COMMD10: variants seen among roughly 807,000 people sequenced by gnomAD.
COMMD10 encodes the protein COMM domain-containing protein 10.
Under a neutral mutation model 28.9 loss-of-function variants are expected in COMMD10, and 33 were observed. The ratio of observed to expected loss-of-function variants is 1.14; its 90% CI spans 0.87 to 1.53. COMMD10 has a LOEUF of 1.53. Among genes scored for constraint, COMMD10 ranks in the 40% most tolerant of loss-of-function variants. The pLI is 0.00. For missense variants in COMMD10, 310 were observed against 233.4 expected (o/e 1.33, Z -2.14); for synonymous variants, 110 against 81.7 (o/e 1.35, Z -1.87).
chr5:116,206,373 G>T (rs977742622), intron 5 of COMMD10, among the ~76,000 whole-genome samples: 1 of 152,060 alleles, frequency 6.6e-6, no homozygotes, highest in African/African-American at 2.4e-5. Flanking sequence ...GACGGTGGTC[G>T]GGCACGGTGG....
intron 5 of COMMD10, among the ~76,000 whole-genome samples, chr5:116,263,657 C>T (rs1159672353): frequency 6.6e-6 from 1 of 151,728 alleles, no homozygotes; most frequent in Non-Finnish European, 1.5e-5. Context: ...TTTTTCTTAA[C>T]TTGAACATTC....
rs1187543319 is a variant in COMMD10, at chr5:116,292,606, A to C, written c.*117A>C. On this transcript the variant is annotated 3_prime_UTR_variant, in exon 7 of 7. Transcript: ENST00000274458. Reference sequence around the variant, plus strand: ...CAGTGACTTGCTTTCTGTAAATTATATGGCTTATCACTTCTTAGACAAATA... The same window carrying C: ...CAGTGACTTGCTTTCTGTAAATTATCTGGCTTATCACTTCTTAGACAAATA... 1.4e-5 allele frequency: 10 copies of C among 719,206 alleles called. No homozygotes were observed. Among genetic ancestry groups the C allele is most frequent in the South Asian group, 4.4e-5 (2 of 45,200 alleles). The allele number at this position is 719,206 out of a possible 1,614,324, so 44.6% of individuals were successfully genotyped here.
At chr5:116,152,908 A>T (rs1052454368) in intron 5 of COMMD10, among the ~76,000 whole-genome samples, 2 of 152,132 alleles carry the variant, frequency 1.3e-5, no homozygotes, top group Non-Finnish European at 2.9e-5. Flanking sequence ...CTATAAACAG[A>T]TGAGTACAAT....
intron 5 of COMMD10, among the ~76,000 whole-genome samples, chr5:116,209,802 T>C (rs1267031786): frequency 6.6e-6 from 1 of 152,196 alleles, no homozygotes; most frequent in Non-Finnish European, 1.5e-5. Flanking sequence ...TTGGCAGTCT[T>C]CTTTAAGATA....
intron 5 of COMMD10, among the ~76,000 whole-genome samples, chr5:116,270,185 A>C (rs1750716851): frequency 6.6e-6 from 1 of 151,894 alleles, no homozygotes; most frequent in South Asian, 2.1e-4. Flanking sequence ...AGATGGGATG[A>C]ATGGCAGACT....
At chr5:116,191,146 T>C (rs1748357062) in intron 5 of COMMD10, among the ~76,000 whole-genome samples, 3 of 152,060 alleles carry the variant, frequency 2.0e-5, no homozygotes, top group Admixed American at 2.0e-4. Flanking sequence ...GCCCTGGAGC[T>C]CGCTGGATCC....
At chr5:116,207,154 A>T (rs1156879475) in intron 5 of COMMD10, among the ~76,000 whole-genome samples, 1 of 152,148 alleles carries the variant, frequency 6.6e-6, no homozygotes, top group Non-Finnish European at 1.5e-5. Flanking sequence ...CTATGTCAGT[A>T]TGTGTGTTAT....
intron 5 of COMMD10, among the ~76,000 whole-genome samples, chr5:116,142,781 A>G (rs1752234187): frequency 1.3e-5 from 2 of 151,762 alleles, no homozygotes; most frequent in Non-Finnish European, 3.0e-5. Flanking sequence ...TTGTTTTATT[A>G]TAGAACATGT....
chr5:116,246,259 TAAG>T (rs1315907369), intron 5 of COMMD10, among the ~76,000 whole-genome samples: 1 of 152,000 alleles, frequency 6.6e-6, no homozygotes, highest in Non-Finnish European at 1.5e-5. Flanking sequence ...ATAAAATACC[TAAG>T]AATACAGCTA....
At chr5:116,241,068 G>C (rs1297120228) in intron 5 of COMMD10, among the ~76,000 whole-genome samples, 1 of 152,102 alleles carries the variant, frequency 6.6e-6, no homozygotes, top group African/African-American at 2.4e-5. Context: ...TATGGTCCTT[G>C]GGTAGAACAG....
At chr5:116,121,396 G>A (rs1751430953) in intron 4 of COMMD10, among the ~76,000 whole-genome samples, 1 of 152,188 alleles carries the variant, frequency 6.6e-6, no homozygotes. Context: ...GGACATTCGG[G>A]TTGGTTCCAA....
chr5:116,155,942 C>T (rs898738432), intron 5 of COMMD10, among the ~76,000 whole-genome samples: 13 of 151,896 alleles, frequency 8.6e-5, no homozygotes, highest in African/African-American at 2.7e-4. Context: ...AAATTGAGGT[C>T]CTACAATTTT....
rs1008954084 is a variant in COMMD10 at position 116,227,146 on chromosome 5, C to T, written c.511-64371C>T. Among the ~76,000 whole-genome samples, 3 of 151,896 alleles carry T rather than the reference C, an allele frequency of 2.0e-5. No individual in the cohort carries two copies. The East Asian group carries it at 5.8e-4, about 29-fold the overall frequency. On this transcript the variant is annotated intron_variant, in intron 5 of 6. Coordinates refer to ENST00000274458, the MANE Select transcript of COMMD10 (RefSeq NM_016144.4). ...TATCCTTGCCATAAATTAAGTTGATCGCTTAAAAAGTATCACTACTTTAGC... is the reference window on the plus strand; with the variant it reads ...TATCCTTGCCATAAATTAAGTTGATTGCTTAAAAAGTATCACTACTTTAGC...
intron 4 of COMMD10, among the ~76,000 whole-genome samples, chr5:116,125,117 C>T (rs1001345220): frequency 5.3e-5 from 8 of 151,958 alleles, no homozygotes; most frequent in East Asian, 3.9e-4. Context: ...TGGTTATTTT[C>T]CTCGTTAGTT....
chr5:116,134,913 G>A (rs910745160), intron 5 of COMMD10, among the ~76,000 whole-genome samples: 6 of 149,856 alleles, frequency 4.0e-5, no homozygotes, highest in Admixed American at 2.0e-4. Flanking sequence ...GAGCCACCGC[G>A]CCCGGCCTAC....
At chr5:116,105,339 G>A (rs1750802961) in intron 4 of COMMD10, among the ~76,000 whole-genome samples, 2 of 152,284 alleles carry the variant, frequency 1.3e-5, no homozygotes, top group South Asian at 2.1e-4. Flanking sequence ...GCTATTTGAT[G>A]TGCTGCTGGA....
At chr5:116,291,405 TA>T in intron 5 of COMMD10, 111 bp from the exon 6 acceptor site, 1 of 746,172 alleles carries the variant, frequency 1.3e-6, no homozygotes. Flanking sequence ...AAGCATTTTT[TA>T]AAACCACTCA....
chr5:116,281,522 A>T (rs1751068950), intron 5 of COMMD10, among the ~76,000 whole-genome samples: 1 of 151,682 alleles, frequency 6.6e-6, no homozygotes, highest in South Asian at 2.1e-4. Context: ...AGAAAGTCCA[A>T]GTTTGGTACT....
chr5:116,218,000 C>G, intron 5 of COMMD10: 1 of 977,584 alleles, frequency 1.0e-6, no homozygotes, highest in East Asian at 2.4e-5. Context: ...CAGAAGTACA[C>G]AGTTATCAAA....
Sources: gnomAD v4.1 joint callset for allele counts (sites outside exome capture counted in the v4.1 genomes callset) on GRCh38, gnomAD v4.1.1 for gene constraint, MANE v1.5 for transcripts, NCBI Gene and HGNC (gene_info 2026-07-23, HGNC 2026-07-21) for gene names.